The following SPTB variants were observed in gnomAD, a reference collection of about 807,000 sequenced individuals.
SPTB encodes spectrin beta chain, erythrocytic.
In SPTB, 45 loss-of-function variants were observed where a neutral mutation model predicts 256.2. The ratio of observed to expected loss-of-function variants is 0.18; its 90% CI spans 0.14 to 0.23. SPTB has a LOEUF of 0.23. SPTB is among the 10% of genes least tolerant of loss of function. The pLI is 1.00. For synonymous variants in SPTB, 1,231 were observed against 1,243.1 expected (o/e 0.99, Z 0.21); for missense variants, 2,715 against 3,040.4 (o/e 0.89, Z 2.52).
Position 64,775,248 on chromosome 14 carries a change from C to T in SPTB, c.4719G>A (p.Ala1573=), listed in dbSNP as rs778728881. The T allele has an allele frequency of 1.5e-5, 24 of 1,613,550 alleles. No homozygotes were observed. Among genetic ancestry groups the T allele is most frequent in the East Asian group, 2.2e-5 (1 of 44,898 alleles). ...QSSWDRLREA[A]AGRLQRLRDA... ...CCCTCAGTCGCTGCAGCCTCCCGGCCGCTGCCTCCCGCAGCCTGTCCCAGG... is the reference window on the plus strand; with the variant it reads ...CCCTCAGTCGCTGCAGCCTCCCGGCTGCTGCCTCCCGCAGCCTGTCCCAGG... Residue 1573 remains alanine (A), a synonymous_variant, in exon 23 of 36, where the codon GCG becomes GCA. Transcript: ENST00000644917. The surrounding 1 kb of genome is among the most constrained non-coding windows in gnomAD (Gnocchi z 5.0).
chr14:64,784,529 T>C (rs1594772469), intron 18 of SPTB, 136 bp from the exon 19 acceptor site: 2 of 1,194,742 alleles, frequency 1.7e-6, no homozygotes, highest in East Asian at 4.7e-5. Flanking sequence ...CCATCTGCAG[T>C]TCTGGATCCC....
chr14:64,822,475 T>C (rs1248999432), intron 2 of SPTB, among the ~76,000 whole-genome samples: 1 of 149,192 alleles, frequency 6.7e-6, no homozygotes, highest in Non-Finnish European at 1.5e-5. Context: ...ATCAAGAAAA[T>C]CCTTCCTGAG....
At chr14:64,831,578 A>G (rs2083451500) in intron 1 of SPTB, among the ~76,000 whole-genome samples, 1 of 152,246 alleles carries the variant, frequency 6.6e-6, no homozygotes, top group Non-Finnish European at 1.5e-5. Context: ...TGCCCTGTGC[A>G]CTACTGGTGG....
Position 64,853,663 on chromosome 14 carries a change from C to G in SPTB, c.-52+26129G>C, listed in dbSNP as rs1469413056. 2.0e-5 allele frequency among the ~76,000 whole-genome samples: 3 copies of G among 152,122 alleles called. No individual in the cohort carries two copies. The highest frequency in any genetic ancestry group is 4.4e-5 in the Non-Finnish European group (3 of 68,034). ...CTTTGAGGGGGAGCAGACAGGCATG[C>G]AGGGCCAAGGGACAGTTGTATTCAA... On this transcript the variant is annotated intron_variant, in intron 1 of 35. Transcript: ENST00000644917. The surrounding 1 kb of genome is among the most constrained non-coding windows in gnomAD (Gnocchi z 4.3).
chr14:64,812,171 A>G (rs1235252204), intron 2 of SPTB, among the ~76,000 whole-genome samples: 4 of 152,164 alleles, frequency 2.6e-5, no homozygotes, highest in African/African-American at 9.7e-5. Flanking sequence ...CTGGTCTCAA[A>G]CTCCTCACCT....
Position 64,823,702 on chromosome 14 carries a change from G to A in SPTB, c.-51-557C>T, listed in dbSNP as rs768594625. On this transcript the variant is annotated intron_variant, in intron 1 of 35. Coordinates refer to ENST00000644917, the MANE Select transcript of SPTB (RefSeq NM_001355436.2). The surrounding 1 kb of genome is among the most constrained non-coding windows in gnomAD (Gnocchi z 6.5). ...CAGCCCGGGGCAGCTGCACTGGGGG[G>A]ACTTCACTCCTCCCGGAGGCTTTCT... Among the ~76,000 whole-genome samples, 1 of 152,186 alleles carries A rather than the reference G, an allele frequency of 6.6e-6. No individual in the cohort carries two copies. The highest frequency in any genetic ancestry group is 1.5e-5 in the Non-Finnish European group (1 of 68,028).
intron 3 of SPTB, 39 bp from the exon 4 acceptor site, chr14:64,803,819 TGC>T: frequency 1.3e-6 from 2 of 1,568,836 alleles, no homozygotes; most frequent in Non-Finnish European, 1.7e-6. Context: ...ATGGAGGGAC[TGC>T]ACAGTCATCC....
intron 1 of SPTB, among the ~76,000 whole-genome samples, chr14:64,860,511 T>C (rs924674850): frequency 6.6e-6 from 1 of 152,212 alleles, no homozygotes. Context: ...GTCTGTGTTT[T>C]TTTTTTTATA....
At position 64,758,432 on chromosome 14, in the gene SPTB, A is replaced by G. The variant is rs76420009; in HGVS notation, c.6346-4639T>C. The stretch of plus-strand genomic sequence containing the variant: ...AGGCCCCACCCCTTTAGGGTAGTGC[A>G]GAAGTGGCCTGAGGCCCTGCCTCAA... On this transcript the variant is annotated intron_variant, in intron 32 of 35. Transcript: ENST00000644917. This position sits in a 1 kb window ranked among gnomAD's most constrained non-coding sequence, Gnocchi z 4.6. Among the ~76,000 whole-genome samples, 1,076 of 152,342 alleles carry G rather than the reference A, an allele frequency of 7.1e-3. 10 individuals are homozygous for G. Among genetic ancestry groups the G allele is most frequent in the South Asian group, 0.033 (160 of 4,832 alleles).
intron 32 of SPTB, among the ~76,000 whole-genome samples, chr14:64,765,845 G>A (rs2082165060): frequency 6.9e-6 from 1 of 144,934 alleles, no homozygotes; most frequent in Non-Finnish European, 1.5e-5. Context: ...TGGGGGTGTG[G>A]TGTGTGCACA....
rs1356632281 is a variant in SPTB, at chr14:64,778,095, A to G, written c.4563+1062T>C. On this transcript the variant is annotated intron_variant, in intron 22 of 35. Transcript: ENST00000644917. The surrounding 1 kb of genome is among the most constrained non-coding windows in gnomAD (Gnocchi z 5.2). ...GAAGGTTGTGGCATTAACTGAGGCT[A>G]GATTTCTATCATCTTCTAGCCCAGG... 1.3e-5 allele frequency among the ~76,000 whole-genome samples: 2 copies of G among 152,216 alleles called. No homozygotes were observed. The highest frequency in any genetic ancestry group is 1.3e-4 in the Admixed American group (2 of 15,280).
intron 1 of SPTB, among the ~76,000 whole-genome samples, chr14:64,869,383 C>T (rs1270332717): frequency 6.6e-6 from 1 of 152,074 alleles, no homozygotes; most frequent in Non-Finnish European, 1.5e-5. Flanking sequence ...TTTTTATGAG[C>T]TCCACACTCT....
At chr14:64,782,662 G>A (rs2082493001) in intron 19 of SPTB, 109 bp from the exon 20 acceptor site, 1 of 1,498,560 alleles carries the variant, frequency 6.7e-7, no homozygotes, top group South Asian at 1.1e-5. Context: ...GTAAGGCAAA[G>A]AATCTTCATA....
At chr14:64,831,533 T>G (rs986360058) in intron 1 of SPTB, among the ~76,000 whole-genome samples, 13 of 152,186 alleles carry the variant, frequency 8.5e-5, no homozygotes, top group African/African-American at 3.1e-4. Context: ...GCAAGCTGGG[T>G]CATGCTGAAT....
intron 1 of SPTB, among the ~76,000 whole-genome samples, chr14:64,855,795 T>A (rs1011791817): frequency 1.3e-5 from 2 of 152,162 alleles, no homozygotes; most frequent in Non-Finnish European, 2.9e-5. Context: ...GTTCCAGGCA[T>A]GTGGTCTGCC....
At position 64,782,274 on chromosome 14, in the gene SPTB, C is replaced by A; in HGVS notation, c.4266+16G>T. On this transcript the variant is annotated intron_variant, in intron 20 of 35. Coordinates refer to ENST00000644917, the MANE Select transcript of SPTB (RefSeq NM_001355436.2). ...CTTCTATCCTAACACTCTGAGTCTA[C>A]AACCCACTCACGTGCCTTCAGCTTA... 1 of 1,614,166 alleles carries A rather than the reference C, an allele frequency of 6.2e-7. No individual in the cohort carries two copies. The highest frequency in any genetic ancestry group is 8.5e-7 in the Non-Finnish European group (1 of 1,180,020).
chr14:64,830,161 CCTCT>C (rs2083431187), intron 1 of SPTB, among the ~76,000 whole-genome samples: 2 of 151,884 alleles, frequency 1.3e-5, no homozygotes, highest in African/African-American at 4.8e-5. Flanking sequence ...CTGTCTGTTT[CCTCT>C]TTTTTTTTTC....
intron 1 of SPTB, among the ~76,000 whole-genome samples, chr14:64,858,284 C>G (rs541838697): frequency 6.6e-6 from 1 of 152,158 alleles, no homozygotes; most frequent in African/African-American, 2.4e-5. Context: ...GAGGCTGCTG[C>G]AGCAGCGGTG....
At position 64,773,448 on chromosome 14, in the gene SPTB, C is replaced by T. The variant is rs375629217; in HGVS notation, c.4974-24G>A. On this transcript the variant is annotated intron_variant, in intron 24 of 35. Coordinates refer to ENST00000644917, the MANE Select transcript of SPTB (RefSeq NM_001355436.2). ...CCCTGGAATTCAAAACCAAAAAGGCCCTCAGAGACGGCAGCCACGAACCCA... is the reference window on the plus strand; with the variant it reads ...CCCTGGAATTCAAAACCAAAAAGGCTCTCAGAGACGGCAGCCACGAACCCA... The T allele has an allele frequency of 6.8e-6, 11 of 1,611,736 alleles. No individual in the cohort carries two copies. In the South Asian group the frequency reaches 1.2e-4, roughly 18 times the overall value.
Sources: gnomAD v4.1 joint callset for allele counts (sites outside exome capture counted in the v4.1 genomes callset) on GRCh38, gnomAD v4.1.1 for gene constraint, Gnocchi (gnomAD v3.1) non-coding constraint, MANE v1.5 for transcripts, NCBI Gene and HGNC (gene_info 2026-07-23, HGNC 2026-07-21) for gene names.